PCDHGA7: variants seen among roughly 807,000 people sequenced by gnomAD.
PCDHGA7 encodes protocadherin gamma subfamily A, 7.
Under a neutral mutation model 58.3 loss-of-function variants are expected in PCDHGA7, and 44 were observed. The observed-to-expected ratio is 0.75, with a 90% CI of 0.59 to 0.97. The LOEUF (loss-of-function observed/expected upper bound fraction) is 0.97. PCDHGA7 is among the 50% of genes least tolerant of loss of function. The pLI is 0.00. For synonymous variants in PCDHGA7, 516 were observed against 504.2 expected (o/e 1.02, Z -0.31); for missense variants, 1,266 against 1,188.7 (o/e 1.06, Z -0.96).
chr5:141,418,840 C>A, intron 1 of PCDHGA7: 1 of 1,614,006 alleles, frequency 6.2e-7, no homozygotes, highest in Non-Finnish European at 8.5e-7. Context: ...GAGGATCTCT[C>A]TCAACACGGT....
intron 1 of PCDHGA7, chr5:141,390,038 C>T: frequency 1.9e-6 from 3 of 1,614,060 alleles, no homozygotes; most frequent in Non-Finnish European, 2.5e-6. Flanking sequence ...GCTCCTCCAG[C>T]CCCGCCTCCT....
At chr5:141,505,538 T>C in intron 3 of PCDHGA7, 57 bp downstream of exon 3, 1 of 1,610,262 alleles carries the variant, frequency 6.2e-7, no homozygotes, top group Non-Finnish European at 8.5e-7. Context: ...CTGGGGTGCA[T>C]CTCACAGCCA....
At chr5:141,438,996 A>G (rs2098080427) in intron 1 of PCDHGA7, among the ~76,000 whole-genome samples, 1 of 151,634 alleles carries the variant, frequency 6.6e-6, no homozygotes, top group African/African-American at 2.4e-5. Flanking sequence ...AAGGCTAAGG[A>G]CCTGGTTTGT....
chr5:141,383,147 G>C lies in PCDHGA7; in HGVS notation c.248G>C (p.Ser83Thr). Reference sequence around the variant, plus strand: ...TTCGCCCTGAACCAGCGCAGCGGCAGCTTGGTCACTGCGGGCAGGATAGAC... The same window carrying C: ...TTCGCCCTGAACCAGCGCAGCGGCACCTTGGTCACTGCGGGCAGGATAGAC... ...QLFALNQRSG[S>T]LVTAGRIDRE... Residue 83 changes from serine (S) to threonine (T), a missense_variant, in exon 1 of 4, where the codon AGC becomes ACC. Coordinates refer to ENST00000518325, the MANE Select transcript of PCDHGA7 (RefSeq NM_018920.4). 6.2e-7 allele frequency: 1 copy of C among 1,614,150 alleles called. No individual in the cohort carries two copies. Among genetic ancestry groups the C allele is most frequent in the South Asian group, 1.1e-5 (1 of 91,092 alleles).
At chr5:141,472,980 C>CAAAAAA (rs60579131) in intron 1 of PCDHGA7, among the ~76,000 whole-genome samples, 7 of 86,100 alleles carry the variant, frequency 8.1e-5, no homozygotes, top group South Asian at 4.3e-4. Context: ...GAGTGAAACT[C>CAAAAAA]AAAAAAAAAA....
chr5:141,431,907 T>A lies in PCDHGA7; in HGVS notation c.2424+46584T>A, dbSNP rs2097427946. 2 of 1,613,964 alleles carry A rather than the reference T, an allele frequency of 1.2e-6. No homozygotes were observed. Among genetic ancestry groups the A allele is most frequent in the South Asian group, 2.2e-5 (2 of 91,086 alleles). Reference sequence around the variant, plus strand: ...GATTCTGAGGAAAACGGACAGGTGATCTGTTTCATCCAAGGAAATCTGCCC... The same window carrying A: ...GATTCTGAGGAAAACGGACAGGTGAACTGTTTCATCCAAGGAAATCTGCCC... On this transcript the variant is annotated intron_variant, in intron 1 of 3. Transcript: ENST00000518325. This position sits in a 1 kb window ranked among gnomAD's most constrained non-coding sequence, Gnocchi z 4.8.
At position 141,431,274 on chromosome 5, in the gene PCDHGA7, TC is replaced by T. The variant is rs767658803; in HGVS notation, c.2424+45952del. On this transcript the variant is annotated intron_variant, in intron 1 of 3. Transcript: ENST00000518325. The surrounding 1 kb of genome is among the most constrained non-coding windows in gnomAD (Gnocchi z 4.8). ...AAGAACTCTCTGCAGAGCTACGAGC[TC>T]AGCCCGAACACTCACTTCTCCCTCA... 6 of 1,614,128 alleles carry T rather than the reference TC, an allele frequency of 3.7e-6. No homozygotes were observed. Among genetic ancestry groups the T allele is most frequent in the Non-Finnish European group, 5.1e-6 (6 of 1,180,024 alleles).
chr5:141,501,897 C>T (rs796164763), intron 2 of PCDHGA7, among the ~76,000 whole-genome samples: 17 of 152,230 alleles, frequency 1.1e-4, no homozygotes, highest in African/African-American at 3.4e-4. Flanking sequence ...ATCATGGTTC[C>T]AACCCCACTG....
intron 1 of PCDHGA7, chr5:141,430,861 A>C: frequency 6.3e-7 from 1 of 1,592,834 alleles, no homozygotes; most frequent in Middle Eastern, 1.7e-4. Flanking sequence ...TACGCTATTC[A>C]GTTCCGGAAG....
chr5:141,384,090 A>C lies in PCDHGA7; in HGVS notation c.1191A>C (p.Ser397=), dbSNP rs765649529. The change falls in exon 1 of 4, where the codon TCA becomes TCC. Residue 397 remains serine (S), a synonymous_variant. Transcript: ENST00000518325. ...ACCTACCTTTTAAATTAGAAAAATC[A>C]ATAGATAATTATTATAGATTGGTCA... ...PENLPFKLEK[S]IDNYYRLVTT... The C allele has an allele frequency of 6.3e-7, 1 of 1,596,410 alleles. No homozygotes were observed. Among genetic ancestry groups the C allele is most frequent in the South Asian group, 1.1e-5 (1 of 89,244 alleles).
chr5:141,405,467 T>G lies in PCDHGA7; in HGVS notation c.2424+20144T>G. On this transcript the variant is annotated intron_variant, in intron 1 of 3. Transcript: ENST00000518325. The stretch of plus-strand genomic sequence containing the variant: ...CAGAGTCTTACTCTGTTACCCAGGC[T>G]GGAATGCAGTGGTGTGATCTCGGCT... 3.6e-6 allele frequency: 4 copies of G among 1,103,716 alleles called. No individual in the cohort carries two copies. The South Asian group carries it at 6.1e-5, about 17-fold the overall frequency. 68.4% of individuals were successfully genotyped at this position (1,103,716 alleles called of 1,614,324 possible). A position where few individuals can be genotyped will look rare whatever the true frequency, so the allele number is the denominator to read the frequency against.
chr5:141,433,358 C>CCTATCTATCTATCTATCTAT (rs3074541), intron 1 of PCDHGA7: 39 of 504,044 alleles, frequency 7.7e-5, no homozygotes, highest in Admixed American at 1.8e-4. Context: ...CTACTGTCTG[C>CCTATCTATCTATCTATCTAT]CTATCTATCT....
At chr5:141,484,589 C>T (rs2154580160) in intron 1 of PCDHGA7, among the ~76,000 whole-genome samples, 1 of 152,074 alleles carries the variant, frequency 6.6e-6, no homozygotes, top group African/African-American at 2.4e-5. Context: ...GGAAGCTACT[C>T]ATTTAGAATA....
chr5:141,418,273 A>C, intron 1 of PCDHGA7: 1 of 1,614,082 alleles, frequency 6.2e-7, no homozygotes, highest in South Asian at 1.1e-5. Context: ...AAGATGAAAT[A>C]AACTTAGAAA....
chr5:141,388,289 A>T (rs1463991755), intron 1 of PCDHGA7: 14 of 1,613,522 alleles, frequency 8.7e-6, no homozygotes, highest in Non-Finnish European at 1.2e-5. Flanking sequence ...AATTCACGCA[A>T]AATTCCTTTG....
At chr5:141,435,919 T>C (rs2097786247) in intron 1 of PCDHGA7, among the ~76,000 whole-genome samples, 2 of 152,148 alleles carry the variant, frequency 1.3e-5, no homozygotes, top group South Asian at 4.1e-4. Flanking sequence ...GGCTCTAAAA[T>C]GCGGCAGTTG....
chr5:141,430,629 C>A, intron 1 of PCDHGA7: 1 of 812,246 alleles, frequency 1.2e-6, no homozygotes. Context: ...AGGAATGAAC[C>A]ATCCCTGGGA....
intron 1 of PCDHGA7, chr5:141,402,950 G>A (rs992704558): frequency 2.5e-6 from 4 of 1,596,662 alleles, no homozygotes; most frequent in Non-Finnish European, 3.4e-6. Flanking sequence ...AAGCGAGGCA[G>A]CAATGGCAGC....
In PCDHGA7 at chr5:141,422,240, T is replaced by C. The variant is rs1472994337; in HGVS notation, c.2424+36917T>C. ...ACCACCACGACGATGTTGATCACTG[T>C]TGTGGATGTGAATGATAACGCTCCA... On this transcript the variant is annotated intron_variant, in intron 1 of 3. Coordinates refer to ENST00000518325, the MANE Select transcript of PCDHGA7 (RefSeq NM_018920.4). 1.3e-6 allele frequency: 2 copies of C among 1,566,716 alleles called. No individual in the cohort carries two copies. The highest frequency in any genetic ancestry group is 1.2e-5 in the South Asian group (1 of 81,384).
Sources: gnomAD v4.1 joint callset for allele counts (sites outside exome capture counted in the v4.1 genomes callset) on GRCh38, gnomAD v4.1.1 for gene constraint, Gnocchi (gnomAD v3.1) non-coding constraint, MANE v1.5 for transcripts, NCBI Gene and HGNC (gene_info 2026-07-23, HGNC 2026-07-21) for gene names.